The following SLC24A1 variants were observed in gnomAD, a reference collection of about 807,000 sequenced individuals.
SLC24A1 encodes the protein sodium/potassium/calcium exchanger 1.
Under a neutral mutation model 88.1 loss-of-function variants are expected in SLC24A1, and 52 were observed. The observed-to-expected ratio is 0.59, with a 90% CI of 0.47 to 0.74. The LOEUF is 0.74. SLC24A1 is among the 30% of genes least tolerant of loss of function. The pLI is 0.00. For missense variants in SLC24A1, 1,173 were observed against 1,363.3 expected (o/e 0.86, Z 2.20); for synonymous variants, 455 against 498.0 (o/e 0.91, Z 1.15).
Position 65,650,397 on chromosome 15 carries a change from GC to G in SLC24A1, c.2250del (p.Glu751ArgfsTer71), listed in dbSNP as rs1187795069. 1 of 1,551,338 alleles carries G rather than the reference GC, an allele frequency of 6.4e-7. No individual in the cohort carries two copies. Among genetic ancestry groups the G allele is most frequent in the South Asian group, 1.2e-5 (1 of 84,058 alleles). On this transcript the variant is annotated frameshift_variant, in exon 7 of 10. Coordinates refer to ENST00000261892, the MANE Select transcript of SLC24A1 (RefSeq NM_004727.3). LOFTEE classifies it high-confidence loss of function. This position sits in a 1 kb window ranked among gnomAD's most constrained non-coding sequence, Gnocchi z 4.1. ...NPGGQEDVAE[A>X]ESTGEMPGEE... ...TGGATTGCAGGAAGATGTGGCTGAG[GC>G]CGAGAGCACAGGTGAAATGCCAGGC... is the stretch of plus-strand genomic sequence containing the variant.
rs2075665839 is a variant in SLC24A1 at position 65,655,855 on chromosome 15, T to C, written c.*1776T>C. 1.0e-6 allele frequency: 1 copy of C among 984,982 alleles called. No homozygotes were observed. 61.0% of individuals were successfully genotyped at this position (984,982 alleles called of 1,614,324 possible). A position where few individuals can be genotyped will look rare whatever the true frequency, so the allele number is the denominator to read the frequency against. ...AATTTCAATAAACTGTGAATCCCAA[T>C]GGTATTTTACTTTACAACATGGATG... On this transcript the variant is annotated 3_prime_UTR_variant, in exon 10 of 10. Transcript: ENST00000261892.
intron 6 of SLC24A1, among the ~76,000 whole-genome samples, chr15:65,647,106 G>A (rs2075325539): frequency 6.6e-6 from 1 of 152,082 alleles, no homozygotes; most frequent in African/African-American, 2.4e-5. Context: ...GTTCCCTTAT[G>A]AGCACACATA....
chr15:65,651,811 T>C (rs760637738), intron 8 of SLC24A1, 52 bp downstream of exon 8: 3 of 907,360 alleles, frequency 3.3e-6, no homozygotes. Flanking sequence ...CAACGACACT[T>C]TCCTTCAGGA....
At chr15:65,631,471 G>A (rs1473548513) in intron 2 of SLC24A1, among the ~76,000 whole-genome samples, 1 of 152,176 alleles carries the variant, frequency 6.6e-6, no homozygotes, top group Non-Finnish European at 1.5e-5. Context: ...TTTAGTGAGG[G>A]AGAGTGTAGG....
At chr15:65,660,294 A>G, downstream of SLC24A1, 1 of 1,535,336 alleles carries the variant, frequency 6.5e-7, no homozygotes, top group Non-Finnish European at 8.7e-7. Context: ...GAAGCTGTGA[A>G]ATGTTTCAGC....
Position 65,650,607 on chromosome 15 carries a change from GA to G in SLC24A1, c.2461del (p.Met821Ter). 6.4e-7 allele frequency: 1 copy of G among 1,551,848 alleles called. No individual in the cohort carries two copies. Among genetic ancestry groups the G allele is most frequent in the East Asian group, 2.4e-5 (1 of 40,910 alleles). On this transcript the variant is annotated frameshift_variant, in exon 7 of 10. Coordinates refer to ENST00000261892, the MANE Select transcript of SLC24A1 (RefSeq NM_004727.3). LOFTEE classifies it high-confidence loss of function. This position sits in a 1 kb window ranked among gnomAD's most constrained non-coding sequence, Gnocchi z 4.1. ...DEGEIHAEDG[E>X]MKGNEGETES... ...GGGTGAAATCCACGCAGAAGATGGT[GA>G]AATGAAAGGTAATGAAGGTGAAACT...
At chr15:65,635,996 G>A (rs1432395802) in intron 2 of SLC24A1, among the ~76,000 whole-genome samples, 1 of 152,230 alleles carries the variant, frequency 6.6e-6, no homozygotes, top group Admixed American at 6.5e-5. Flanking sequence ...GGATGGCTGA[G>A]TGGCCCTAGA....
At position 65,624,927 on chromosome 15, in the gene SLC24A1, C is replaced by T. The variant is rs956792845; in HGVS notation, c.847C>T (p.Pro283Ser). The T allele has an allele frequency of 1.5e-5, 24 of 1,613,170 alleles. No individual in the cohort carries two copies. Among genetic ancestry groups the T allele is most frequent in the Non-Finnish European group, 2.0e-5 (24 of 1,179,622 alleles). Reference protein sequence around the residue: ...RSVMEKNNLFPPRRVESNSSA... With the variant: ...RSVMEKNNLFSPRRVESNSSA... ...CGTCATGGAAAAAAACAACCTGTTT[C>T]CCCCCAGAAGAGTGGAAAGTAACAG... Residue 283 changes from proline to serine, a missense_variant, in exon 2 of 10, where the codon CCC becomes TCC. Transcript: ENST00000261892.
chr15:65,647,033 C>T (rs531485410), intron 6 of SLC24A1, among the ~76,000 whole-genome samples: 4 of 152,346 alleles, frequency 2.6e-5, no homozygotes, highest in Non-Finnish European at 5.9e-5. Flanking sequence ...CCTGCTCTCC[C>T]TCACATTCCT....
At position 65,638,109 on chromosome 15, in the gene SLC24A1, C is replaced by A; in HGVS notation, c.1891-19C>A. 1 of 1,595,946 alleles carries A rather than the reference C, an allele frequency of 6.3e-7. No homozygotes were observed. Among genetic ancestry groups the A allele is most frequent in the Non-Finnish European group, 8.6e-7 (1 of 1,167,318 alleles). ...AGGGTCTCGCCACAACATCTCGTGACTCCTCTCCCTGTTTGCAGCCGGGCG... is the reference window on the plus strand; with the variant it reads ...AGGGTCTCGCCACAACATCTCGTGAATCCTCTCCCTGTTTGCAGCCGGGCG... On this transcript the variant is annotated intron_variant, in intron 2 of 9. Transcript: ENST00000261892.
At position 65,650,994 on chromosome 15, in the gene SLC24A1, G is replaced by C; in HGVS notation, c.2793+52G>C. On this transcript the variant is annotated intron_variant, in intron 7 of 9. Coordinates refer to ENST00000261892, the MANE Select transcript of SLC24A1 (RefSeq NM_004727.3). The surrounding 1 kb of genome is among the most constrained non-coding windows in gnomAD (Gnocchi z 4.1). Reference sequence around the variant, plus strand: ...CTCTTTATCCCCAGCAGGGCTGTGGGGTCTCTCGGCATGCGGGGCTCACAC... The same window carrying C: ...CTCTTTATCCCCAGCAGGGCTGTGGCGTCTCTCGGCATGCGGGGCTCACAC... The C allele has an allele frequency of 5.3e-6, 8 of 1,501,722 alleles. 1 individual carries two copies. The Middle Eastern group carries it at 1.4e-3, about 256-fold the overall frequency. 93.0% of individuals were successfully genotyped at this position (1,501,722 alleles called of 1,614,324 possible). A position where few individuals can be genotyped will look rare whatever the true frequency, so the allele number is the denominator to read the frequency against.
intron 2 of SLC24A1, among the ~76,000 whole-genome samples, chr15:65,629,743 G>A (rs1158214703): frequency 6.6e-6 from 1 of 152,140 alleles, no homozygotes; most frequent in Non-Finnish European, 1.5e-5. Flanking sequence ...CTTTATACTT[G>A]ACTAGATTAG....
chr15:65,655,359 A>G lies in SLC24A1; in HGVS notation c.*1280A>G, dbSNP rs572299234. 3.0e-6 allele frequency: 3 copies of G among 985,344 alleles called. No individual in the cohort carries two copies. In the East Asian group the frequency reaches 3.4e-4, roughly 112 times the overall value. The allele number at this position is 985,344 out of a possible 1,614,324, so 61.0% of individuals were successfully genotyped here. On this transcript the variant is annotated 3_prime_UTR_variant, in exon 10 of 10. Coordinates refer to ENST00000261892, the MANE Select transcript of SLC24A1 (RefSeq NM_004727.3). ...TGGTTTATGAATGGATCTTAAGGTA[A>G]TTACAAAAGGGAAATTCCAAGAATG...
At chr15:65,615,639 C>G (rs1417960507) in intron 2 of SLC24A1, among the ~76,000 whole-genome samples, 1 of 151,758 alleles carries the variant, frequency 6.6e-6, no homozygotes, top group Non-Finnish European at 1.5e-5. Flanking sequence ...CAACATCATG[C>G]CACTGCACTC....
chr15:65,611,408 GC>G, exon 1 of SLC24A1: 1 of 579,442 alleles, frequency 1.7e-6, no homozygotes, highest in East Asian at 2.9e-5. Context: ...TCTCTGCATT[GC>G]CCTGAATCTC....
chr15:65,656,549 T>C (rs1182892281), downstream of SLC24A1, among the ~76,000 whole-genome samples: 2 of 152,240 alleles, frequency 1.3e-5, no homozygotes, highest in Non-Finnish European at 1.5e-5. Context: ...TAAAGTACCA[T>C]TTAAAAATGT....
At chr15:65,629,934 A>C (rs1365460022) in intron 2 of SLC24A1, among the ~76,000 whole-genome samples, 1 of 152,274 alleles carries the variant, frequency 6.6e-6, no homozygotes, top group East Asian at 1.9e-4. Context: ...TCTCTCCTAA[A>C]TGCACTGGGG....
intron 2 of SLC24A1, among the ~76,000 whole-genome samples, chr15:65,637,062 G>T (rs2074965636): frequency 6.6e-6 from 1 of 152,020 alleles, no homozygotes; most frequent in Non-Finnish European, 1.5e-5. Flanking sequence ...GAGTCTACAT[G>T]TAGCTGGTAG....
intron 2 of SLC24A1, among the ~76,000 whole-genome samples, chr15:65,637,923 C>T (rs754811951): frequency 2.5e-4 from 38 of 152,122 alleles, no homozygotes; most frequent in Non-Finnish European, 5.1e-4. Flanking sequence ...TGGACAGATT[C>T]GACTGGGGGT....
Sources: allele counts gnomAD v4.1 joint callset (sites outside exome capture counted in the v4.1 genomes callset), GRCh38; gene constraint gnomAD v4.1.1; non-coding constraint Gnocchi (gnomAD v3.1); transcripts MANE v1.5; gene names NCBI Gene and HGNC (gene_info 2026-07-23, HGNC 2026-07-21).